Variants in CEP128 observed in about 807,000 individuals in gnomAD.
CEP128 encodes the protein centrosomal protein 128kDa.
CEP128 carries 132 observed loss-of-function variants against 156.7 expected under a neutral mutation model. The observed-to-expected ratio is 0.84, with a 90% CI of 0.73 to 0.97. CEP128 has a LOEUF of 0.97. CEP128 is among the 50% of genes least tolerant of loss of function. CEP128 has a pLI of 0.00. For synonymous variants in CEP128, 469 were observed against 448.9 expected, an observed-to-expected ratio of 1.04 and a Z score of -0.57; for missense variants, 1,252 against 1,281.9, an observed-to-expected ratio of 0.98 and a Z score of 0.36.
At chr14:80,564,590 T>G (rs987376664) in intron 20 of CEP128, among the ~76,000 whole-genome samples, 4 of 152,250 alleles carry the variant, frequency 2.6e-5, no homozygotes, top group African/African-American at 9.6e-5. Flanking sequence ...CTTGCTTTTT[T>G]CTAACCCTGA....
At chr14:80,748,013 A>G (rs956147370) in intron 18 of CEP128, among the ~76,000 whole-genome samples, 3 of 152,236 alleles carry the variant, frequency 2.0e-5, no homozygotes, top group African/African-American at 7.2e-5. Flanking sequence ...AACGAATTGT[A>G]TGATATATGA....
chr14:80,683,456 G>A (rs1270915337), intron 19 of CEP128, among the ~76,000 whole-genome samples: 1 of 152,056 alleles, frequency 6.6e-6, no homozygotes, highest in African/African-American at 2.4e-5. Flanking sequence ...CAACATTGAA[G>A]CATCAAGATT....
At chr14:80,859,092 G>A (rs1887369672) in intron 9 of CEP128, among the ~76,000 whole-genome samples, 1 of 150,130 alleles carries the variant, frequency 6.7e-6, no homozygotes, top group Non-Finnish European at 1.5e-5. Flanking sequence ...AAAGACACAT[G>A]CACACGTATG....
rs1888013436 is a variant in CEP128 at position 80,507,093 on chromosome 14, G to A, written c.3073-2073C>T. ...GTGCCTGCTTCACCTTCTGCCATGA[G>A]TAAAAGTTCCCTGAGGCCTCCCCAA... On this transcript the variant is annotated intron_variant, in intron 23 of 24. Coordinates refer to ENST00000555265, the MANE Select transcript of CEP128 (RefSeq NM_152446.5). Among the ~76,000 whole-genome samples the A allele has an allele frequency of 3.9e-5, 6 of 151,928 alleles. No homozygotes were observed. The South Asian group carries it at 1.0e-3, about 26-fold the overall frequency.
intron 19 of CEP128, among the ~76,000 whole-genome samples, chr14:80,588,756 T>C (rs984473697): frequency 1.3e-5 from 2 of 152,084 alleles, no homozygotes; most frequent in African/African-American, 4.8e-5. Flanking sequence ...CTTAAAAACT[T>C]AATGTTAAGA....
chr14:80,644,793 T>G (rs1425432066), intron 19 of CEP128, among the ~76,000 whole-genome samples: 2 of 152,188 alleles, frequency 1.3e-5, no homozygotes, highest in Non-Finnish European at 2.9e-5. Flanking sequence ...TAATGTTTAA[T>G]GTGGATTAGT....
At chr14:80,887,026 G>C (rs1888840422) in intron 8 of CEP128, among the ~76,000 whole-genome samples, 1 of 152,062 alleles carries the variant, frequency 6.6e-6, no homozygotes, top group South Asian at 2.1e-4. Context: ...GATCAAAAAA[G>C]ACAAAGGGCA....
rs977042056 is a variant in CEP128 at position 80,649,798 on chromosome 14, A to T, written c.2807-69375T>A. 4.6e-5 allele frequency among the ~76,000 whole-genome samples: 7 copies of T among 152,280 alleles called. No individual in the cohort carries two copies. In the East Asian group the frequency reaches 1.2e-3, roughly 25 times the overall value. On this transcript the variant is annotated intron_variant, in intron 19 of 24. Coordinates refer to ENST00000555265, the MANE Select transcript of CEP128 (RefSeq NM_152446.5). ...ATATATCTGTTTTGGTACCAGTACC[A>T]TGCTGTTTTGGTTACTGTAGCCTTA...
chr14:80,910,151 C>T (rs1884125086), intron 4 of CEP128, among the ~76,000 whole-genome samples: 1 of 152,134 alleles, frequency 6.6e-6, no homozygotes, highest in African/African-American at 2.4e-5. Flanking sequence ...TAATATCTCA[C>T]TTGATATAAA....
intron 19 of CEP128, among the ~76,000 whole-genome samples, chr14:80,729,058 G>GGGGTGTGTGT (rs1898141728): frequency 4.8e-5 from 5 of 105,056 alleles, no homozygotes; most frequent in Admixed American, 1.0e-4. Flanking sequence ...GGCTGGTGGG[G>GGGGTGTGTGT]GTGTGTGTGT....
chr14:80,921,158 G>A (rs1332664911), intron 2 of CEP128, among the ~76,000 whole-genome samples: 1 of 152,132 alleles, frequency 6.6e-6, no homozygotes, highest in Non-Finnish European at 1.5e-5. Flanking sequence ...ATCTGTATGT[G>A]TATATAAATT....
At chr14:80,933,967 T>C (rs766720551) in intron 2 of CEP128, among the ~76,000 whole-genome samples, 2 of 152,220 alleles carry the variant, frequency 1.3e-5, no homozygotes, top group African/African-American at 4.8e-5. Flanking sequence ...GAGACTCTGA[T>C]GCCAGGGAGG....
chr14:80,584,814 G>A (rs1397636851), intron 19 of CEP128, among the ~76,000 whole-genome samples: 1 of 152,068 alleles, frequency 6.6e-6, no homozygotes, highest in Non-Finnish European at 1.5e-5. Flanking sequence ...GAGCTGAAGG[G>A]CTGCTCTGCT....
chr14:80,559,728 C>T (rs1595002674), intron 20 of CEP128, among the ~76,000 whole-genome samples: 3 of 152,134 alleles, frequency 2.0e-5, no homozygotes, highest in Non-Finnish European at 4.4e-5. Context: ...GTCTCCACAA[C>T]AAGCTGAAAT....
intron 19 of CEP128, among the ~76,000 whole-genome samples, chr14:80,634,157 G>A (rs1894083817): frequency 6.6e-6 from 1 of 152,152 alleles, no homozygotes; most frequent in South Asian, 2.1e-4. Context: ...TTTAAGTTTA[G>A]GCAAGTCATG....
chr14:80,853,987 G>T (rs200229216), intron 9 of CEP128, among the ~76,000 whole-genome samples: 2 of 26,742 alleles, frequency 7.5e-5, no homozygotes, highest in Admixed American at 7.7e-4. Flanking sequence ...AAAAATCCCC[G>T]GGGGGAAAGA....
chr14:80,807,423 TAG>T (rs1484764567), intron 13 of CEP128, among the ~76,000 whole-genome samples: 1 of 152,118 alleles, frequency 6.6e-6, no homozygotes, highest in East Asian at 1.9e-4. Context: ...AAATTACAAA[TAG>T]AGTCTCATAC....
chr14:80,925,745 A>G (rs988348900), intron 2 of CEP128, among the ~76,000 whole-genome samples: 1 of 152,152 alleles, frequency 6.6e-6, no homozygotes, highest in Admixed American at 6.5e-5. Context: ...AGAAACCACA[A>G]ACCCTTTGAA....
chr14:80,647,797 A>G (rs1474871163), intron 19 of CEP128, among the ~76,000 whole-genome samples: 1 of 152,116 alleles, frequency 6.6e-6, no homozygotes, highest in Non-Finnish European at 1.5e-5. Flanking sequence ...ACTGTGTTAA[A>G]GGACTAGGTT....
Sources: gnomAD v4.1 joint callset for allele counts (sites outside exome capture counted in the v4.1 genomes callset) on GRCh38, gnomAD v4.1.1 for gene constraint, MANE v1.5 for transcripts, NCBI Gene and HGNC (gene_info 2026-07-23, HGNC 2026-07-21) for gene names.